CLCN2: variants seen among roughly 807,000 people sequenced by gnomAD.
CLCN2 encodes the protein chloride voltage-gated channel 2, also known as chloride channel protein 2.
CLCN2 carries 72 observed loss-of-function variants against 108.3 expected under a neutral mutation model. The observed-to-expected ratio is 0.66, with a 90% CI of 0.55 to 0.81. CLCN2 has a LOEUF of 0.81. Ranked by LOEUF, CLCN2 falls within the 30% of genes least tolerant of loss-of-function variation. The pLI is 0.00. For synonymous variants in CLCN2, 471 were observed against 467.1 expected, an observed-to-expected ratio of 1.01 and a Z score of -0.11; for missense variants, 1,048 against 1,205.2, an observed-to-expected ratio of 0.87 and a Z score of 1.93.
Position 184,357,433 on chromosome 3 carries a change from C to T in CLCN2, c.827G>A (p.Trp276Ter). Residue 276 changes from tryptophan (W) to a stop codon, truncating the protein, a stop_gained, in exon 8 of 24, where the codon TGG becomes TAG. Transcript: ENST00000265593. LOFTEE classifies it high-confidence loss of function. Reference protein sequence around the residue: ...TSTFFAVRNYWRGFFAATFSA... With the variant: ...TSTFFAVRNY ...GAAGGTGGCAGCGAAGAAGCCCCGC[C>T]AGTAGTTCCGCACTGCAAAGAAGGT... 6.2e-7 allele frequency: 1 copy of T among 1,614,198 alleles called. No individual in the cohort carries two copies. Among genetic ancestry groups the T allele is most frequent in the Non-Finnish European group, 8.5e-7 (1 of 1,180,048 alleles).
chr3:184,358,728 T>G lies in CLCN2; in HGVS notation c.306A>C (p.Ala102=). The G allele has an allele frequency of 1.3e-6, 2 of 1,596,742 alleles. No individual in the cohort carries two copies. The highest frequency in any genetic ancestry group is 1.7e-6 in the Non-Finnish European group (2 of 1,170,716). The change falls in exon 3 of 24, where the codon GCA becomes GCC. Residue 102 remains alanine, a synonymous_variant. Coordinates refer to ENST00000265593, the MANE Select transcript of CLCN2 (RefSeq NM_004366.6). ...CATAGTCCATGACCCAGCTGACCAA[T>G]GCCATGAGAAGCCCCAGCAGGACCA... is the stretch of plus-strand genomic sequence containing the variant. ...IFLVLLGLLM[A]LVSWVMDYAI... is the part of the protein sequence containing the mutation.
In CLCN2 at chr3:184,359,053, G is replaced by A. The variant is rs1348396621; in HGVS notation, c.142C>T (p.Pro48Ser). Residue 48 changes from proline to serine, a missense_variant, in exon 2 of 24, where the codon CCC becomes TCC. Transcript: ENST00000265593. ...CGAGAGGAAGGGGGACCTTTCCAGGGTTCAGGCCCTCCCAGGCGAATCCGA... is the reference window on the plus strand; with the variant it reads ...CGAGAGGAAGGGGGACCTTTCCAGGATTCAGGCCCTCCCAGGCGAATCCGA... ...AARIRLGGPE[P>S]WKGPPSSRAA... The A allele has an allele frequency of 6.2e-7, 1 of 1,613,592 alleles. No homozygotes were observed. Among genetic ancestry groups the A allele is most frequent in the Non-Finnish European group, 8.5e-7 (1 of 1,180,046 alleles).
chr3:184,349,556 A>T (rs1727944386), intron 22 of CLCN2: 1 of 152,274 alleles, frequency 6.6e-6, no homozygotes, highest in Non-Finnish European at 1.5e-5. Context: ...ACAGGTGCCC[A>T]CCACCATGCC....
intron 10 of CLCN2, chr3:184,356,639 CAAA>C (rs555983047): frequency 9.2e-3 from 1,058 of 114,588 alleles, no homozygotes; most frequent in South Asian, 0.018. Context: ...AACTCCGTCT[CAAA>C]AAAAAAAAAA....
At chr3:184,357,323 C>A (rs1933371980) in intron 8 of CLCN2, 39 bp downstream of exon 8, 1 of 1,614,024 alleles carries the variant, frequency 6.2e-7, no homozygotes, top group Non-Finnish European at 8.5e-7. Context: ...CCCTACCTGG[C>A]ACCATCTCGG....
chr3:184,352,346 G>C lies in CLCN2; in HGVS notation c.2272-15C>G, dbSNP rs546786106. 1.1e-5 allele frequency: 17 copies of C among 1,613,840 alleles called. No homozygotes were observed. In the East Asian group the frequency reaches 3.6e-4, roughly 34 times the overall value. On this transcript the variant is annotated splice_polypyrimidine_tract_variant and intron_variant, in intron 20 of 23. Transcript: ENST00000265593. ...TCCGCGTCACTCTAGTAGAGAGGGA[G>C]GGAGGCTGGCAGCTAGGGGCTCTGG...
At position 184,355,566 on chromosome 3, in the gene CLCN2, C is replaced by A. The variant is rs963922828; in HGVS notation, c.1171-37G>T. On this transcript the variant is annotated intron_variant, in intron 11 of 23. Transcript: ENST00000265593. This position sits in a 1 kb window ranked among gnomAD's most constrained non-coding sequence, Gnocchi z 6.3. ...AGGGTGCCTCAGGCTGGGAAACCGA[C>A]AGGATGAAGGGAAGAGGCCATGGGA... 4 of 1,613,462 alleles carry A rather than the reference C, an allele frequency of 2.5e-6. No homozygotes were observed. Among genetic ancestry groups the A allele is most frequent in the Non-Finnish European group, 3.4e-6 (4 of 1,179,600 alleles).
Position 184,346,724 on chromosome 3 carries a change from C to T in CLCN2, c.2579G>A (p.Ser860Asn), listed in dbSNP as rs1047220422. Residue 860 changes from serine to asparagine, a missense_variant, in exon 24 of 24, where the codon AGT becomes AAT. Ser to Asn is a conservative substitution (Grantham distance 46). Coordinates refer to ENST00000265593, the MANE Select transcript of CLCN2 (RefSeq NM_004366.6). This position sits in a 1 kb window ranked among gnomAD's most constrained non-coding sequence, Gnocchi z 6.0. ...CTCCGTGTCACTGCTGCTGGTGGCA[C>T]TGTCTCGGAAGCTGGCGAGGGGCGG... ...VRPPLASFRD[S>N]ATSSSDTETT... The T allele has an allele frequency of 8.7e-6, 14 of 1,614,208 alleles. No individual in the cohort carries two copies. The highest frequency in any genetic ancestry group is 1.2e-5 in the Non-Finnish European group (14 of 1,180,044).
Position 184,352,516 on chromosome 3 carries a change from A to C in CLCN2, c.2218-20T>G. ...CAACTTCTTCAGTTTTGTTAGAGCC[A>C]AACCAGAAAGATGAGGAGTTGAGGT... On this transcript the variant is annotated intron_variant, in intron 19 of 23. Transcript: ENST00000265593. 1 of 1,611,724 alleles carries C rather than the reference A, an allele frequency of 6.2e-7. No homozygotes were observed. Among genetic ancestry groups the C allele is most frequent in the South Asian group, 1.1e-5 (1 of 90,682 alleles).
Position 184,352,510 on chromosome 3 carries a change from A to C in CLCN2, c.2218-14T>G. ...GGATTCCAACTTCTTCAGTTTTGTT[A>C]GAGCCAAACCAGAAAGATGAGGAGT... On this transcript the variant is annotated splice_polypyrimidine_tract_variant and intron_variant, in intron 19 of 23. Transcript: ENST00000265593. 2 of 1,612,238 alleles carry C rather than the reference A, an allele frequency of 1.2e-6. No homozygotes were observed. Among genetic ancestry groups the C allele is most frequent in the East Asian group, 4.5e-5 (2 of 44,856 alleles).
intron 22 of CLCN2, 40 bp from the exon 23 acceptor site, chr3:184,347,061 A>AG: frequency 6.4e-7 from 1 of 1,556,258 alleles, no homozygotes; most frequent in South Asian, 1.1e-5. Context: ...TTGATGGACG[A>AG]GGGGCAGCTC....
intron 22 of CLCN2, chr3:184,348,488 TCAAAAAAAAAAAAAA>T (rs939960524): frequency 6.0e-5 from 2 of 33,186 alleles, no homozygotes; most frequent in Non-Finnish European, 1.4e-4. Context: ...CGCTGTCGTC[TCAAAAAAAAAAAAAA>T]AAAAAAGTTC....
chr3:184,355,884 C>A lies in CLCN2; in HGVS notation c.1086-106G>T, dbSNP rs1728514193. 17 of 885,066 alleles carry A rather than the reference C, an allele frequency of 1.9e-5. No homozygotes were observed. The South Asian group carries it at 2.3e-4, about 12-fold the overall frequency. 54.8% of individuals were successfully genotyped at this position (885,066 alleles called of 1,614,324 possible). ...GAGCCTTGGCTCTTTCATGAAAACA[C>A]TCAGTCCTGACAGAAGGTCTCCTTT... On this transcript the variant is annotated intron_variant, in intron 10 of 23. Transcript: ENST00000265593. The surrounding 1 kb of genome is among the most constrained non-coding windows in gnomAD (Gnocchi z 6.3).
In CLCN2 at chr3:184,355,513, G is replaced by T; in HGVS notation, c.1187C>A (p.Thr396Lys). 6.2e-7 allele frequency: 1 copy of T among 1,614,100 alleles called. No homozygotes were observed. Among genetic ancestry groups the T allele is most frequent in the Non-Finnish European group, 8.5e-7 (1 of 1,180,024 alleles). ...CCGATTGTCAAACAGGGTGACCAGC[G>T]TCTCTTTCTGTGAGAGCTAGAGTGA... ...FMAGQLSQKETLVTLFDNRTW... is the reference protein window; with the variant it reads ...FMAGQLSQKEKLVTLFDNRTW... Residue 396 changes from threonine to lysine, a missense_variant, in exon 12 of 24, where the codon ACG (threonine) becomes AAG (lysine). Thr to Lys is a moderately conservative substitution (Grantham distance 78). Coordinates refer to ENST00000265593, the MANE Select transcript of CLCN2 (RefSeq NM_004366.6). The surrounding 1 kb of genome is among the most constrained non-coding windows in gnomAD (Gnocchi z 6.3).
chr3:184,354,474 C>T, intron 14 of CLCN2, 74 bp downstream of exon 14: 4 of 1,385,110 alleles, frequency 2.9e-6, no homozygotes, highest in South Asian at 1.2e-5. Context: ...GCAGGGGGCA[C>T]CAGAGTCTCG....
rs978981324 is a variant in CLCN2, at chr3:184,357,654, C to A, written c.738G>T (p.Val246=). 10 of 1,613,914 alleles carry A rather than the reference C, an allele frequency of 6.2e-6. No individual in the cohort carries two copies. Among genetic ancestry groups the A allele is most frequent in the Middle Eastern group, 1.6e-4 (1 of 6,084 alleles). Residue 246 remains valine (V), a synonymous_variant, in exon 7 of 24, where the codon GTG becomes GTT. Transcript: ENST00000265593. The part of the protein sequence containing the change: ...NTEMLAAACA[V]GVGCCFAAPI... ...GTGCCGCGAAGCAGCAGCCCACCCC[C>A]ACGGCACAGGCGGCAGCCAGCATCT...
chr3:184,358,114 C>T lies in CLCN2; in HGVS notation c.482-19G>A, dbSNP rs2108572866. On this transcript the variant is annotated intron_variant, in intron 4 of 23. Transcript: ENST00000265593. Reference sequence around the variant, plus strand: ...CCAGAGCCTGGAGAGGGAACAGTCTCAGGAGAGGCATTCGATGCACCCATT... The same window carrying T: ...CCAGAGCCTGGAGAGGGAACAGTCTTAGGAGAGGCATTCGATGCACCCATT... The T allele has an allele frequency of 6.2e-7, 1 of 1,614,062 alleles. No homozygotes were observed. Among genetic ancestry groups the T allele is most frequent in the Non-Finnish European group, 8.5e-7 (1 of 1,180,024 alleles).
rs1421840705 is a variant in CLCN2 at position 184,352,307 on chromosome 3, T to C, written c.2296A>G (p.Met766Val). ...TGGCACCTTACCTCTTCAGGGCTCA[T>C]CTCGCCTTCCAGGTCCGCGTCACTC... ...LASDADLEGE[M>V]SPEEILEWEE... Residue 766 changes from methionine (M) to valine (V), a missense_variant, in exon 21 of 24, where the codon ATG becomes GTG. By Grantham distance (21) the Met-to-Val change is conservative. Transcript: ENST00000265593. The C allele has an allele frequency of 2.5e-6, 4 of 1,613,412 alleles. No individual in the cohort carries two copies. In the Admixed American group the frequency reaches 6.7e-5, roughly 27 times the overall value.
At chr3:184,359,677 C>T (rs1031952556) in intron 1 of CLCN2, among the ~76,000 whole-genome samples, 3 of 151,970 alleles carry the variant, frequency 2.0e-5, no homozygotes, top group African/African-American at 7.2e-5. Flanking sequence ...TCCCCATTCT[C>T]CACTGCCACC....
Sources: gnomAD v4.1 joint callset for allele counts (sites outside exome capture counted in the v4.1 genomes callset) on GRCh38, gnomAD v4.1.1 for gene constraint, Gnocchi (gnomAD v3.1) non-coding constraint, MANE v1.5 for transcripts, NCBI Gene and HGNC (gene_info 2026-07-23, HGNC 2026-07-21) for gene names.